Variants in PLEKHA6 observed in about 807,000 individuals in gnomAD.
PLEKHA6 encodes the protein pleckstrin homology domain-containing family A member 6.
Under a neutral mutation model 116.7 loss-of-function variants are expected in PLEKHA6, and 60 were observed. The ratio of observed to expected loss-of-function variants is 0.51; its 90% CI spans 0.42 to 0.64. The LOEUF (loss-of-function observed/expected upper bound fraction) is 0.64. Among genes scored for constraint, PLEKHA6 ranks in the 30% least tolerant of loss-of-function variants. The probability of loss-of-function intolerance (pLI) is 0.00; values close to 1 mark genes in which losing one functional copy is unlikely to be tolerated. For missense variants in PLEKHA6, 1,338 were observed against 1,422.7 expected (o/e 0.94, Z 0.96); for synonymous variants, 489 against 556.1 (o/e 0.88, Z 1.70).
At chr1:204,336,678 C>G (rs1672660181) in intron 1 of PLEKHA6, among the ~76,000 whole-genome samples, 1 of 152,238 alleles carries the variant, frequency 6.6e-6, no homozygotes. Flanking sequence ...CTCCTCCTCC[C>G]TGCCTTACCC....
rs1572201423 is a variant in PLEKHA6, at chr1:204,337,753, C to T, written c.-95+21941G>A. ...CCAGGGAAAATGACTCACTTGTGCT[C>T]CAGTGGAAGGGGAGGAGCAATTGGG... On this transcript the variant is annotated intron_variant, in intron 1 of 22. Coordinates refer to ENST00000272203, the MANE Select transcript of PLEKHA6 (RefSeq NM_014935.5). 2.0e-5 allele frequency among the ~76,000 whole-genome samples: 3 copies of T among 152,172 alleles called. 1 individual carries two copies. The South Asian group carries it at 6.2e-4, about 32-fold the overall frequency.
At chr1:204,304,196 A>G (rs1436147777) in intron 1 of PLEKHA6, among the ~76,000 whole-genome samples, 1 of 152,196 alleles carries the variant, frequency 6.6e-6, no homozygotes, top group Non-Finnish European at 1.5e-5. Flanking sequence ...TCATTTCCAA[A>G]AGGTGACTGT....
chr1:204,368,176 C>T lies in PLEKHA6; in HGVS notation c.161-320G>A, dbSNP rs115925791. Among the ~76,000 whole-genome samples, 36 of 152,274 alleles carry T rather than the reference C, an allele frequency of 2.4e-4. No individual in the cohort carries two copies. In the East Asian group the frequency reaches 3.7e-3, roughly 16 times the overall value. On this transcript the variant is annotated intron_variant, in intron 2 of 4. Transcript: ENST00000564627. ...AAATCTTTACTGAGCATCTACGATG[C>T]GCCAGGCCCTGTGCCAGCCCCTGGA...
intron 1 of PLEKHA6, among the ~76,000 whole-genome samples, chr1:204,338,620 C>T (rs1209880284): frequency 1.3e-5 from 2 of 152,110 alleles, no homozygotes; most frequent in East Asian, 3.9e-4. Flanking sequence ...CAAGCCAAGC[C>T]CATAAACAAC....
At chr1:204,281,254 G>A (rs768389985) in intron 1 of PLEKHA6, among the ~76,000 whole-genome samples, 9 of 151,956 alleles carry the variant, frequency 5.9e-5, no homozygotes, top group Non-Finnish European at 1.3e-4. Flanking sequence ...GGCCGGGGGC[G>A]GTGGCTCACA....
At chr1:204,365,359 A>G (rs1673628853) in intron 3 of PLEKHA6, among the ~76,000 whole-genome samples, 1 of 152,264 alleles carries the variant, frequency 6.6e-6, no homozygotes, top group Non-Finnish European at 1.5e-5. Flanking sequence ...AGCTTCTACA[A>G]TAATGGAAGT....
intron 9 of PLEKHA6, among the ~76,000 whole-genome samples, chr1:204,256,389 A>G (rs1186133072): frequency 2.0e-5 from 3 of 152,156 alleles, no homozygotes; most frequent in Admixed American, 6.5e-5. Context: ...TATCGCTTGT[A>G]TCTCTCCCCA....
At chr1:204,329,236 C>A (rs780449703) in intron 1 of PLEKHA6, among the ~76,000 whole-genome samples, 1 of 152,136 alleles carries the variant, frequency 6.6e-6, no homozygotes, top group Non-Finnish European at 1.5e-5. Flanking sequence ...TCCATCAGTA[C>A]GAAGACTTAA....
chr1:204,252,979 T>C (rs1383826566), intron 9 of PLEKHA6, among the ~76,000 whole-genome samples: 1 of 152,234 alleles, frequency 6.6e-6, no homozygotes, highest in Non-Finnish European at 1.5e-5. Context: ...GTGCTGCGGC[T>C]TTGGGGATCT....
At chr1:204,313,463 G>T in intron 1 of PLEKHA6, 1 of 603,708 alleles carries the variant, frequency 1.7e-6, no homozygotes, top group South Asian at 7.3e-5. Flanking sequence ...CTGAACATAG[G>T]GATGACCTCC....
At chr1:204,352,333 C>T (rs1673306051) in intron 1 of PLEKHA6, among the ~76,000 whole-genome samples, 1 of 151,726 alleles carries the variant, frequency 6.6e-6, no homozygotes, top group African/African-American at 2.4e-5. Context: ...CAAGATCGCA[C>T]CACTGCACTC....
chr1:204,333,762 C>T (rs1672542453), intron 1 of PLEKHA6, among the ~76,000 whole-genome samples: 1 of 152,162 alleles, frequency 6.6e-6, no homozygotes, highest in Non-Finnish European at 1.5e-5. Context: ...ACCTCCTGGC[C>T]CCTGCTCTCC....
chr1:204,372,180 G>T (rs762344191), intron 1 of PLEKHA6, among the ~76,000 whole-genome samples: 3 of 152,104 alleles, frequency 2.0e-5, no homozygotes, highest in Non-Finnish European at 2.9e-5. Context: ...ATTATGAATC[G>T]AGGTTCAGAG....
In PLEKHA6 at chr1:204,261,220, G is replaced by T; in HGVS notation, c.524+86C>A. ...CCAGGGCTTCAAGTAGGCACACTGG[G>T]ATTAGCAATGGCCCAGAGCTGGGTG... On this transcript the variant is annotated intron_variant, in intron 7 of 22. Transcript: ENST00000272203. The surrounding 1 kb of genome is among the most constrained non-coding windows in gnomAD (Gnocchi z 4.0). The T allele has an allele frequency of 6.7e-7, 1 of 1,492,954 alleles. No individual in the cohort carries two copies. Among genetic ancestry groups the T allele is most frequent in the Non-Finnish European group, 9.3e-7 (1 of 1,070,806 alleles). The allele number at this position is 1,492,954 out of a possible 1,614,324, so 92.5% of individuals were successfully genotyped here.
At chr1:204,251,342 G>A (rs945773781) in intron 9 of PLEKHA6, among the ~76,000 whole-genome samples, 2 of 152,200 alleles carry the variant, frequency 1.3e-5, no homozygotes, top group Non-Finnish European at 2.9e-5. Context: ...AATGGGCCTT[G>A]GGTTTACCCA....
chr1:204,255,638 A>G (rs1473143362), intron 9 of PLEKHA6: 1 of 702,924 alleles, frequency 1.4e-6, no homozygotes, highest in African/African-American at 1.7e-5. Flanking sequence ...GCTGATCCAA[A>G]TACTCTAGGT....
rs759911278 is a variant in PLEKHA6 at position 204,228,993 on chromosome 1, G to A, written c.2695C>T (p.Arg899Trp). Residue 899 changes from arginine (R) to tryptophan (W), a missense_variant, in exon 19 of 23, where the codon CGG becomes TGG. Arg to Trp is a moderately radical substitution (Grantham distance 101). Transcript: ENST00000272203. The surrounding 1 kb of genome is among the most constrained non-coding windows in gnomAD (Gnocchi z 4.0). ...AYETPREEIA[R>W]LRKMELEPQH... Reference sequence around the variant, plus strand: ...GGCTCTAGCTCCATTTTGCGAAGCCGGGCAATTTCCTCCCGGGGTGTCTCG... The same window carrying A: ...GGCTCTAGCTCCATTTTGCGAAGCCAGGCAATTTCCTCCCGGGGTGTCTCG... The A allele has an allele frequency of 1.9e-5, 31 of 1,613,990 alleles. No individual in the cohort carries two copies. The highest frequency in any genetic ancestry group is 1.2e-4 in the South Asian group (11 of 91,078).
chr1:204,305,090 T>C (rs771407152), intron 1 of PLEKHA6, among the ~76,000 whole-genome samples: 9 of 152,186 alleles, frequency 5.9e-5, no homozygotes, highest in Non-Finnish European at 8.8e-5. Flanking sequence ...AGTATGCCTC[T>C]GGTGCGTGGT....
At chr1:204,359,626 C>A (rs1396407577) in intron 1 of PLEKHA6, 68 bp downstream of exon 1, 1 of 985,232 alleles carries the variant, frequency 1.0e-6, no homozygotes, top group Non-Finnish European at 1.2e-6. Context: ...CAGGCAGCTG[C>A]CAGCCCTGAC....
Sources: gnomAD v4.1 joint callset for allele counts (sites outside exome capture counted in the v4.1 genomes callset) on GRCh38, gnomAD v4.1.1 for gene constraint, Gnocchi (gnomAD v3.1) non-coding constraint, MANE v1.5 for transcripts, NCBI Gene and HGNC (gene_info 2026-07-23, HGNC 2026-07-21) for gene names.